RXFP1: variants seen among roughly 807,000 people sequenced by gnomAD.
The protein encoded by RXFP1 is relaxin receptor 1.
Under a neutral mutation model 89.8 loss-of-function variants are expected in RXFP1, and 73 were observed. The observed-to-expected ratio is 0.81, with a 90% confidence interval of 0.67 to 0.99. The LOEUF (loss-of-function observed/expected upper bound fraction) is 0.99. Ranked by LOEUF, RXFP1 falls within the 50% of genes least tolerant of loss-of-function variation. The probability of loss-of-function intolerance (pLI) is 0.00; values close to 1 mark genes in which losing one functional copy is unlikely to be tolerated. For synonymous variants in RXFP1, 277 were observed against 305.5 expected (o/e 0.91, Z 0.97); for missense variants, 793 against 895.5 (o/e 0.89, Z 1.46).
chr4:158,571,314 A>G (rs1466057306), intron 1 of RXFP1, among the ~76,000 whole-genome samples: 3 of 152,080 alleles, frequency 2.0e-5, no homozygotes, highest in Admixed American at 6.6e-5. Flanking sequence ...GTTATCCTCT[A>G]TGTCTTCTTG....
chr4:158,634,290 T>C (rs1363581418), intron 12 of RXFP1, among the ~76,000 whole-genome samples: 1 of 152,198 alleles, frequency 6.6e-6, no homozygotes, highest in Non-Finnish European at 1.5e-5. Flanking sequence ...GAGCAACTTT[T>C]CATGTGCTTA....
intron 6 of RXFP1, among the ~76,000 whole-genome samples, chr4:158,608,729 T>C (rs1763006354): frequency 1.3e-5 from 2 of 152,154 alleles, no homozygotes; most frequent in Admixed American, 1.3e-4. Flanking sequence ...TCCAAAACTT[T>C]TTCATCTTCC....
At chr4:158,568,567 G>A (rs1754327364) in intron 1 of RXFP1, among the ~76,000 whole-genome samples, 1 of 152,152 alleles carries the variant, frequency 6.6e-6, no homozygotes, top group Non-Finnish European at 1.5e-5. Context: ...TTGTATGCTT[G>A]AGATCTCTGA....
At chr4:158,644,789 C>T (rs1022782154) in intron 14 of RXFP1, 120 bp from the exon 15 acceptor site, 1 of 676,314 alleles carries the variant, frequency 1.5e-6, no homozygotes, top group Admixed American at 2.7e-5. Flanking sequence ...ATGTTTTAGT[C>T]CTCTCAATTT....
Position 158,570,054 on chromosome 4 carries a change from T to C in RXFP1, c.50-2644T>C, listed in dbSNP as rs576776754. Among the ~76,000 whole-genome samples the C allele has an allele frequency of 8.5e-5, 13 of 152,350 alleles. No individual in the cohort carries two copies. The South Asian group carries it at 2.7e-3, about 32-fold the overall frequency. On this transcript the variant is annotated intron_variant, in intron 1 of 17. Transcript: ENST00000307765. Reference sequence around the variant, plus strand: ...TATTTCAAAACTTTAATATTTAAATTAGCTTGGACACTCAAACATTCTTTC... The same window carrying C: ...TATTTCAAAACTTTAATATTTAAATCAGCTTGGACACTCAAACATTCTTTC...
At chr4:158,574,524 G>A (rs112672629) in intron 2 of RXFP1, among the ~76,000 whole-genome samples, 1,999 of 152,238 alleles carry the variant, frequency 0.013, 34 homozygotes, top group African/African-American at 0.044. Context: ...TTCTAAAGTG[G>A]TATAAGGTAA....
chr4:158,601,471 T>C (rs1267103898), intron 4 of RXFP1, among the ~76,000 whole-genome samples: 1 of 152,212 alleles, frequency 6.6e-6, no homozygotes, highest in Admixed American at 6.5e-5. Flanking sequence ...CTCAGGAGTT[T>C]ATGTCTACGG....
chr4:158,542,077 G>GGC (rs1475442656), intron 1 of RXFP1, among the ~76,000 whole-genome samples: 3 of 21,244 alleles, frequency 1.4e-4, no homozygotes, highest in Non-Finnish European at 1.9e-4. Context: ...GCGCCACCAT[G>GGC]GCTATATATA....
At chr4:158,599,501 C>G in intron 4 of RXFP1, 70 bp downstream of exon 4, 1 of 1,159,812 alleles carries the variant, frequency 8.6e-7, no homozygotes, top group Non-Finnish European at 1.2e-6. Flanking sequence ...TAATTAAGAC[C>G]ATGTGATTAT....
At chr4:158,615,536 CAA>C (rs879387842) in intron 8 of RXFP1, among the ~76,000 whole-genome samples, 5 of 132,132 alleles carry the variant, frequency 3.8e-5, no homozygotes, top group Non-Finnish European at 6.6e-5. Context: ...AACTTTGTCT[CAA>C]AAAAAAAAAA....
At chr4:158,646,737 G>T (rs990683211) in intron 15 of RXFP1, 54 bp from the exon 16 acceptor site, 38 of 1,491,560 alleles carry the variant, frequency 2.5e-5, no homozygotes, top group Non-Finnish European at 3.2e-5. Flanking sequence ...GCTTATTGAT[G>T]ATTTTATGAT....
At chr4:158,621,143 A>T (rs553416785) in intron 9 of RXFP1, among the ~76,000 whole-genome samples, 1 of 152,228 alleles carries the variant, frequency 6.6e-6, no homozygotes, top group Admixed American at 6.5e-5. Flanking sequence ...CTCAAAAAAA[A>T]AATAAAAAAT....
chr4:158,570,909 G>A lies in RXFP1; in HGVS notation c.50-1789G>A, dbSNP rs76870371. ...ATCACCACAACCCTCCCAGAGTTCC[G>A]TAATCCTCAGCCTGAAGCCTCTTCC... On this transcript the variant is annotated intron_variant, in intron 1 of 17. Coordinates refer to ENST00000307765, the MANE Select transcript of RXFP1 (RefSeq NM_021634.4). 3.5e-3 allele frequency among the ~76,000 whole-genome samples: 525 copies of A among 152,062 alleles called. 1 individual carries two copies. The highest frequency in any genetic ancestry group is 0.011 in the African/African-American group (469 of 41,454).
intron 1 of RXFP1, among the ~76,000 whole-genome samples, chr4:158,556,224 C>CAAAAAAAAAAAAAAAA (rs11337872): frequency 7.5e-6 from 1 of 132,480 alleles, no homozygotes; most frequent in Non-Finnish European, 1.6e-5. Context: ...AACTTAACAG[C>CAAAAAAAAAAAAAAAA]AAAAAAAAAA....
At chr4:158,548,123 T>A (rs1749021998) in intron 1 of RXFP1, among the ~76,000 whole-genome samples, 1 of 152,224 alleles carries the variant, frequency 6.6e-6, no homozygotes, top group Non-Finnish European at 1.5e-5. Context: ...GCTTTATGAA[T>A]CTGGGTGCTC....
chr4:158,579,473 C>T (rs1320324987), intron 2 of RXFP1, among the ~76,000 whole-genome samples: 1 of 152,062 alleles, frequency 6.6e-6, no homozygotes, highest in African/African-American at 2.4e-5. Flanking sequence ...ACCGTGTTGG[C>T]GAGGATGGTC....
chr4:158,632,704 G>A (rs1285077690), intron 11 of RXFP1, among the ~76,000 whole-genome samples: 9 of 152,132 alleles, frequency 5.9e-5, no homozygotes, highest in African/African-American at 1.9e-4. Context: ...TATATCAGCT[G>A]TGGAAGAAAC....
At chr4:158,603,506 A>T (rs1320266201) in intron 4 of RXFP1, among the ~76,000 whole-genome samples, 2 of 152,110 alleles carry the variant, frequency 1.3e-5, no homozygotes, top group Non-Finnish European at 2.9e-5. Flanking sequence ...AGTGATTTTT[A>T]ACTTTTTTTC....
chr4:158,624,818 A>AC (rs1047239220), intron 9 of RXFP1, among the ~76,000 whole-genome samples: 2 of 152,074 alleles, frequency 1.3e-5, no homozygotes, highest in African/African-American at 4.8e-5. Flanking sequence ...TACAAATGTG[A>AC]CCCCAAATGT....
Sources: allele counts gnomAD v4.1 joint callset (sites outside exome capture counted in the v4.1 genomes callset), GRCh38; gene constraint gnomAD v4.1.1; transcripts MANE v1.5; gene names NCBI Gene and HGNC (gene_info 2026-07-23, HGNC 2026-07-21).